Variants in PGM2L1 observed in about 807,000 individuals in gnomAD.
PGM2L1 encodes the protein glucose 1,6-bisphosphate synthase.
In PGM2L1, 35 loss-of-function variants were observed where a neutral mutation model predicts 73.4. The ratio of observed to expected loss-of-function variants is 0.48; its 90% CI spans 0.36 to 0.63. The LOEUF is 0.63. Ranked by LOEUF, PGM2L1 falls within the 30% of genes least tolerant of loss-of-function variation. PGM2L1 has a pLI of 0.00. For missense variants in PGM2L1, 570 were observed against 742.0 expected, an observed-to-expected ratio of 0.77 and a Z score of 2.69; for synonymous variants, 225 against 253.8, an observed-to-expected ratio of 0.89 and a Z score of 1.08.
chr11:74,377,778 T>C lies in PGM2L1; in HGVS notation c.112-3196A>G, dbSNP rs578036169. 6.6e-5 allele frequency among the ~76,000 whole-genome samples: 10 copies of C among 152,310 alleles called. No homozygotes were observed. In the South Asian group the frequency reaches 2.1e-3, roughly 32 times the overall value. ...TACTTGTGTGTCTATGTGAATAATT[T>C]TTTACCTCACAAATTGCTCTCCTTT... On this transcript the variant is annotated intron_variant, in intron 1 of 13. Coordinates refer to ENST00000298198, the MANE Select transcript of PGM2L1 (RefSeq NM_173582.6).
At chr11:74,386,141 A>G (rs625532) in intron 1 of PGM2L1, among the ~76,000 whole-genome samples, 111,365 of 151,900 alleles carry the variant, frequency 0.73, 41,836 homozygotes, top group Non-Finnish European at 0.83. Flanking sequence ...TTTGTAATAC[A>G]TGATACATCA....
chr11:74,343,182 A>G (rs934954891), intron 10 of PGM2L1, 141 bp downstream of exon 10: 2 of 1,326,064 alleles, frequency 1.5e-6, no homozygotes, highest in Non-Finnish European at 2.0e-6. Flanking sequence ...TTTTCTGATA[A>G]GAAATGTATC....
intron 5 of PGM2L1, among the ~76,000 whole-genome samples, chr11:74,364,336 T>C (rs1275756471): frequency 6.6e-6 from 1 of 152,192 alleles, no homozygotes; most frequent in Non-Finnish European, 1.5e-5. Flanking sequence ...ACCACTCCTA[T>C]TCAACATAGT....
At chr11:74,370,453 T>C (rs1215019456) in intron 4 of PGM2L1, among the ~76,000 whole-genome samples, 1 of 152,208 alleles carries the variant, frequency 6.6e-6, no homozygotes, top group Admixed American at 6.5e-5. Flanking sequence ...TTTTATTGCA[T>C]GGGATCCAGG....
intron 1 of PGM2L1, among the ~76,000 whole-genome samples, chr11:74,390,954 C>T (rs986526216): frequency 1.3e-5 from 2 of 151,894 alleles, no homozygotes; most frequent in South Asian, 2.1e-4. Context: ...GCTTAGGGGA[C>T]GAAGAAATGG....
At chr11:74,390,045 G>A (rs1863075379) in intron 1 of PGM2L1, among the ~76,000 whole-genome samples, 2 of 148,528 alleles carry the variant, frequency 1.3e-5, no homozygotes. Flanking sequence ...CGTGAACCCG[G>A]GAGGCAGAGC....
chr11:74,346,642 T>C (rs1050852980), intron 8 of PGM2L1, 90 bp downstream of exon 8: 1 of 994,294 alleles, frequency 1.0e-6, no homozygotes, highest in South Asian at 1.7e-5. Flanking sequence ...TCTTTTCTTA[T>C]CTTTTCATTA....
At chr11:74,338,316 A>G (rs758948642) in intron 13 of PGM2L1, 152 bp downstream of exon 13, 4 of 714,818 alleles carry the variant, frequency 5.6e-6, no homozygotes, top group Non-Finnish European at 7.9e-6. Flanking sequence ...GGGTGATGAA[A>G]ATGTTCTAAA....
At position 74,342,995 on chromosome 11, in the gene PGM2L1, T is replaced by G; in HGVS notation, c.1332A>C (p.Ser444=). The G allele has an allele frequency of 6.2e-7, 1 of 1,605,500 alleles. No individual in the cohort carries two copies. The part of the protein sequence containing the change: ...EESIGFLCGT[S]VLDKDGVSAA... The stretch of plus-strand genomic sequence containing the variant: ...CACTCACCCCATCTTTATCCAAAAC[T>G]GAAGTTCCACAGAGAAAACCTGAGG... The change falls in exon 11 of 14, where the codon TCA becomes TCC. Residue 444 remains serine (S), a synonymous_variant. Coordinates refer to ENST00000298198, the MANE Select transcript of PGM2L1 (RefSeq NM_173582.6).
Position 74,362,049 on chromosome 11 carries a change from G to A in PGM2L1, c.555+6443C>T, listed in dbSNP as rs566346314. Among the ~76,000 whole-genome samples, 15 of 152,178 alleles carry A rather than the reference G, an allele frequency of 9.9e-5. No homozygotes were observed. The East Asian group carries it at 1.7e-3, about 18-fold the overall frequency. On this transcript the variant is annotated intron_variant, in intron 5 of 13. Coordinates refer to ENST00000298198, the MANE Select transcript of PGM2L1 (RefSeq NM_173582.6). The stretch of plus-strand genomic sequence containing the variant: ...TTCAAATTCAGGAAATACACAGAAC[G>A]CCACAAAGATACTCCTCAAGAAGAG...
At chr11:74,355,113 A>G in intron 5 of PGM2L1, 2 of 1,289,340 alleles carry the variant, frequency 1.6e-6, no homozygotes, top group Non-Finnish European at 2.2e-6. Flanking sequence ...AGGAAACTTC[A>G]GTGGTTGTGG....
intron 5 of PGM2L1, among the ~76,000 whole-genome samples, chr11:74,356,441 A>G (rs1368495890): frequency 6.6e-6 from 1 of 152,222 alleles, no homozygotes; most frequent in Non-Finnish European, 1.5e-5. Flanking sequence ...AAAATATTTA[A>G]GATGCTACTA....
chr11:74,384,817 T>C (rs145760744), intron 1 of PGM2L1, among the ~76,000 whole-genome samples: 130 of 152,312 alleles, frequency 8.5e-4, no homozygotes, highest in African/African-American at 3.0e-3. Flanking sequence ...TTCACCAGTA[T>C]TCACAGGGCA....
At chr11:74,364,401 G>C (rs370011740) in intron 5 of PGM2L1, among the ~76,000 whole-genome samples, 3 of 152,108 alleles carry the variant, frequency 2.0e-5, no homozygotes, top group Middle Eastern at 3.2e-3. Context: ...AGGGTATTCA[G>C]TTAGGAAAAG....
chr11:74,343,582 A>T (rs1862216747), intron 9 of PGM2L1, among the ~76,000 whole-genome samples, 166 bp from the exon 10 acceptor site: 1 of 152,144 alleles, frequency 6.6e-6, no homozygotes. Context: ...AAGGGCCATA[A>T]ATACACACAC....
intron 2 of PGM2L1, 42 bp downstream of exon 2, chr11:74,374,373 T>C (rs750528764): frequency 2.0e-6 from 3 of 1,478,346 alleles, no homozygotes; most frequent in Non-Finnish European, 2.7e-6. Flanking sequence ...TGAGCCACCA[T>C]GTCCAGTCAA....
At chr11:74,380,162 A>C (rs999273585) in intron 1 of PGM2L1, among the ~76,000 whole-genome samples, 2 of 152,212 alleles carry the variant, frequency 1.3e-5, no homozygotes, top group African/African-American at 4.8e-5. Flanking sequence ...AATGAAAGAC[A>C]AACAAATTTT....
At chr11:74,361,346 T>C (rs1190195362) in intron 5 of PGM2L1, among the ~76,000 whole-genome samples, 3 of 152,112 alleles carry the variant, frequency 2.0e-5, no homozygotes, top group Non-Finnish European at 4.4e-5. Flanking sequence ...TCCTGACTAT[T>C]ATAAGGAAAA....
In PGM2L1 at chr11:74,370,973, T is replaced by C. The variant is rs1565442535; in HGVS notation, c.400A>G (p.Thr134Ala). The C allele has an allele frequency of 1.2e-6, 2 of 1,612,652 alleles. No homozygotes were observed. Among genetic ancestry groups the C allele is most frequent in the African/African-American group, 2.7e-5 (2 of 74,878 alleles). ...TCTTTGGCCAGCAAGACTGCAGCAG[T>C]GAGTTTAGCAAGCCTAAAAAAAGAG... ...SCSSQRLAKL[T>A]AAVLLAKDVP... is the part of the protein sequence containing the mutation. The change falls in exon 4 of 14, where the codon ACT (threonine) becomes GCT (alanine). Residue 134 changes from threonine to alanine, a missense_variant. Thr to Ala is a moderately conservative substitution (Grantham distance 58). Coordinates refer to ENST00000298198, the MANE Select transcript of PGM2L1 (RefSeq NM_173582.6).
Sources: allele counts gnomAD v4.1 joint callset (sites outside exome capture counted in the v4.1 genomes callset), GRCh38; gene constraint gnomAD v4.1.1; transcripts MANE v1.5; gene names NCBI Gene and HGNC (gene_info 2026-07-23, HGNC 2026-07-21).